Variants in ZNF652 observed in about 807,000 individuals in gnomAD.
The protein encoded by ZNF652 is zinc finger protein 652.
In ZNF652, 16 loss-of-function variants were observed where a neutral mutation model predicts 45.2. That is an observed-to-expected ratio of 0.35 (90% CI 0.24 to 0.54). The LOEUF is 0.54. ZNF652 is among the 20% of genes least tolerant of loss of function. The pLI is 0.91. For missense variants in ZNF652, 614 were observed against 765.6 expected (o/e 0.80, Z 2.34); for synonymous variants, 250 against 260.6 (o/e 0.96, Z 0.39).
intron 1 of ZNF652, among the ~76,000 whole-genome samples, chr17:49,337,421 T>G (rs1433623798): frequency 6.6e-6 from 1 of 152,106 alleles, no homozygotes; most frequent in East Asian, 1.9e-4. Context: ...GAACAAAATT[T>G]AACTCAATAG....
rs1240382970 is a variant in ZNF652, at chr17:49,334,793, AG to A, written c.-258-16811del. Among the ~76,000 whole-genome samples the A allele has an allele frequency of 9.9e-5, 15 of 151,762 alleles. No homozygotes were observed. The East Asian group carries it at 2.9e-3, about 29-fold the overall frequency. ...GACTCGATCTCCAAAAAAAAAAAAAAGGGAATGTAGTACTGATATGTGGTAC... is the reference window on the plus strand; with the variant it reads ...GACTCGATCTCCAAAAAAAAAAAAAAGGAATGTAGTACTGATATGTGGTAC... On this transcript the variant is annotated intron_variant, in intron 1 of 5. Transcript: ENST00000430262.
chr17:49,305,519 G>A (rs2069617365), intron 5 of ZNF652, among the ~76,000 whole-genome samples: 1 of 150,582 alleles, frequency 6.6e-6, no homozygotes, highest in African/African-American at 2.4e-5. Context: ...CGCAAGTAAA[G>A]TGCTTACAAC....
chr17:49,351,006 T>C (rs1598317124), intron 1 of ZNF652, among the ~76,000 whole-genome samples: 1 of 21,290 alleles, frequency 4.7e-5, no homozygotes, highest in Non-Finnish European at 9.2e-5. Context: ...TATATATATA[T>C]ATATATATAC....
intron 5 of ZNF652, among the ~76,000 whole-genome samples, chr17:49,308,174 T>G (rs1354305246): frequency 6.6e-6 from 1 of 152,140 alleles, no homozygotes; most frequent in East Asian, 1.9e-4. Context: ...TATGTGTTAC[T>G]CTTTTTTTGG....
At chr17:49,309,099 C>T (rs943560552) in intron 5 of ZNF652, among the ~76,000 whole-genome samples, 3 of 152,000 alleles carry the variant, frequency 2.0e-5, no homozygotes, top group Non-Finnish European at 4.4e-5. Flanking sequence ...GAGGCAGAGA[C>T]TTAAGTGCTA....
intron 5 of ZNF652, among the ~76,000 whole-genome samples, chr17:49,309,195 A>G (rs1403901482): frequency 2.0e-5 from 3 of 151,902 alleles, no homozygotes; most frequent in African/African-American, 7.3e-5. Context: ...CGCCTTCACA[A>G]AAAACTTATG....
chr17:49,352,358 A>C (rs1228752084), intron 1 of ZNF652, among the ~76,000 whole-genome samples: 1 of 152,126 alleles, frequency 6.6e-6, no homozygotes. Context: ...TAAACCTATT[A>C]TATGAGAGAT....
At chr17:49,351,019 ACACACACACAC>A (rs2070274967) in intron 1 of ZNF652, among the ~76,000 whole-genome samples, 7 of 25,502 alleles carry the variant, frequency 2.7e-4, no homozygotes, top group African/African-American at 1.1e-3. Context: ...ATATATACAC[ACACACACACAC>A]ACACACACAC....
In ZNF652 at chr17:49,289,942, C is replaced by T. The variant is rs943219865; in HGVS notation, c.*8471G>A. The T allele has an allele frequency of 5.3e-5, 8 of 152,200 alleles. No homozygotes were observed. The highest frequency in any genetic ancestry group is 3.2e-3 in the Middle Eastern group (1 of 316). The allele number at this position is 152,200 out of a possible 1,614,324, so 9.4% of individuals were successfully genotyped here. A position where few individuals can be genotyped will look rare whatever the true frequency, so the allele number is the denominator to read the frequency against. On this transcript the variant is annotated 3_prime_UTR_variant, in exon 6 of 6. Coordinates refer to ENST00000430262, the MANE Select transcript of ZNF652 (RefSeq NM_001145365.3). Reference sequence around the variant, plus strand: ...TCAACAACAAGCTTTGTAAACCTAACGCTAAACAAGTCATGGCAAGCAAAC... The same window carrying T: ...TCAACAACAAGCTTTGTAAACCTAATGCTAAACAAGTCATGGCAAGCAAAC...
At position 49,316,915 on chromosome 17, in the gene ZNF652, T is replaced by A; in HGVS notation, c.811A>T (p.Met271Leu). 6.2e-7 allele frequency: 1 copy of A among 1,614,172 alleles called. No individual in the cohort carries two copies. Among genetic ancestry groups the A allele is most frequent in the African/African-American group, 1.3e-5 (1 of 75,050 alleles). The change falls in exon 2 of 6, where the codon ATG (methionine) becomes TTG (leucine). Residue 271 changes from methionine to leucine, a missense_variant. Around this residue, in one of 5 missense-constraint regions of ZNF652, gnomAD observed 262 missense variants for 306.3 expected, o/e 0.86. Coordinates refer to ENST00000430262, the MANE Select transcript of ZNF652 (RefSeq NM_001145365.3). ...EKHMNVTHRR[M>L]QICDKCGKKF... is the part of the protein sequence containing the mutation. The stretch of plus-strand genomic sequence containing the variant: ...TTGCCACATTTATCACAAATCTGCA[T>A]GCGCCTATGAGTAACGTTCATGTGC...
In ZNF652 at chr17:49,317,734, G is replaced by A. The variant is rs778185740; in HGVS notation, c.-9C>T. 6.4e-7 allele frequency: 1 copy of A among 1,564,684 alleles called. No individual in the cohort carries two copies. The highest frequency in any genetic ancestry group is 1.2e-5 in the South Asian group (1 of 85,172). On this transcript the variant is annotated 5_prime_UTR_variant, in exon 2 of 6. Transcript: ENST00000430262. The stretch of plus-strand genomic sequence containing the variant: ...CTGGCTGTGTGGCTCATTGGTAAGT[G>A]GCCCAATTTATTAAACAGTTCAGAC...
chr17:49,350,002 C>T (rs762962081), intron 1 of ZNF652, among the ~76,000 whole-genome samples: 22 of 152,064 alleles, frequency 1.4e-4, no homozygotes, highest in Admixed American at 3.3e-4. Context: ...ATTCAGGCTT[C>T]GGAATAGAGT....
At chr17:49,338,649 T>C (rs2070110802) in intron 1 of ZNF652, among the ~76,000 whole-genome samples, 1 of 151,642 alleles carries the variant, frequency 6.6e-6, no homozygotes, top group African/African-American at 2.4e-5. Context: ...TTAAGTAGAG[T>C]TGTCCAATAG....
rs147227372 is a variant in ZNF652, at chr17:49,310,113, C to A, written c.1309+1199G>T. Among the ~76,000 whole-genome samples the A allele has an allele frequency of 8.2e-3, 1,243 of 152,260 alleles. 9 individuals are homozygous for A. Among genetic ancestry groups the A allele is most frequent in the Non-Finnish European group, 0.013 (901 of 68,026 alleles). On this transcript the variant is annotated intron_variant, in intron 5 of 5. Transcript: ENST00000430262. ...GGACCACAGGCGCCCACCACCATGC[C>A]CGGCTAATTTTTTGTATTTTTAGTA...
chr17:49,352,242 A>AT (rs902042966), intron 1 of ZNF652, among the ~76,000 whole-genome samples: 99 of 147,378 alleles, frequency 6.7e-4, no homozygotes, highest in Middle Eastern at 3.5e-3. Flanking sequence ...CAGTCAATAT[A>AT]TTTTTTTTTT....
At chr17:49,325,753 C>T (rs958903588) in intron 1 of ZNF652, among the ~76,000 whole-genome samples, 1 of 151,938 alleles carries the variant, frequency 6.6e-6, no homozygotes, top group Non-Finnish European at 1.5e-5. Context: ...AACCAGGAGG[C>T]GGAGGCTGTA....
At chr17:49,319,963 C>T (rs563702820) in intron 1 of ZNF652, among the ~76,000 whole-genome samples, 1 of 152,116 alleles carries the variant, frequency 6.6e-6, no homozygotes, top group Non-Finnish European at 1.5e-5. Context: ...GTCCCATTTC[C>T]TGGAGGCAAT....
chr17:49,349,438 G>A (rs2070246997), intron 1 of ZNF652, among the ~76,000 whole-genome samples: 1 of 152,146 alleles, frequency 6.6e-6, no homozygotes, highest in South Asian at 2.1e-4. Context: ...GTAATGCAGT[G>A]AGTTTGGATG....
At chr17:49,308,826 G>A (rs1048180649) in intron 5 of ZNF652, among the ~76,000 whole-genome samples, 1 of 151,822 alleles carries the variant, frequency 6.6e-6, no homozygotes, top group Admixed American at 6.6e-5. Context: ...AGTTTTGTGG[G>A]GGATGGGAAT....
Sources: allele counts gnomAD v4.1 joint callset (sites outside exome capture counted in the v4.1 genomes callset), GRCh38; gene constraint gnomAD v4.1.1; regional missense constraint gnomAD v4.1.1; transcripts MANE v1.5; gene names NCBI Gene and HGNC (gene_info 2026-07-23, HGNC 2026-07-21).